Variants in TXNDC12 observed in about 807,000 individuals in gnomAD.
TXNDC12 encodes the protein thioredoxin domain containing 12.
Under a neutral mutation model 24.2 loss-of-function variants are expected in TXNDC12, and 22 were observed. That is an observed-to-expected ratio of 0.91 (90% confidence interval 0.65 to 1.30). TXNDC12 has a LOEUF of 1.30. Among genes scored for constraint, TXNDC12 ranks in the 50% most tolerant of loss-of-function variants. The pLI, the probability that TXNDC12 is intolerant of heterozygous loss-of-function variation, is 0.00. For missense variants in TXNDC12, 184 were observed against 205.8 expected, an observed-to-expected ratio of 0.89 and a Z score of 0.65; for synonymous variants, 58 against 73.4, an observed-to-expected ratio of 0.79 and a Z score of 1.07.
intron 2 of TXNDC12, among the ~76,000 whole-genome samples, chr1:52,031,710 C>T (rs927275164): frequency 6.6e-6 from 1 of 151,988 alleles, no homozygotes; most frequent in Non-Finnish European, 1.5e-5. Context: ...AGGCTGGTCT[C>T]GAACTCCTGA....
rs764404449 is a variant in TXNDC12, at chr1:52,055,128, C to T, written c.-32G>A. The T allele has an allele frequency of 5.3e-6, 8 of 1,521,406 alleles. No individual in the cohort carries two copies. Among genetic ancestry groups the T allele is most frequent in the South Asian group, 1.1e-5 (1 of 88,994 alleles). 94.2% of individuals were successfully genotyped at this position (1,521,406 alleles called of 1,614,324 possible). ...AGGTGCGCGGGGCCACGGGGCTGAG[C>T]GGACGCAGGGCCGGAGTCCCAGCAG... On this transcript the variant is annotated 5_prime_UTR_variant, in exon 1 of 7. Transcript: ENST00000371626.
chr1:52,025,210 C>A (rs1023941386), intron 4 of TXNDC12, among the ~76,000 whole-genome samples: 4 of 151,820 alleles, frequency 2.6e-5, no homozygotes, highest in Non-Finnish European at 5.9e-5. Context: ...AAAACCTACA[C>A]AATCAGTTTT....
chr1:52,048,263 G>A (rs140833394), intron 1 of TXNDC12, among the ~76,000 whole-genome samples: 7 of 152,050 alleles, frequency 4.6e-5, no homozygotes, highest in East Asian at 1.9e-4. Flanking sequence ...CTAGAAGTTC[G>A]AGGCCAGTCT....
intron 2 of TXNDC12, chr1:52,034,063 T>TAGGGA: frequency 1.5e-6 from 2 of 1,317,852 alleles, no homozygotes; most frequent in Non-Finnish European, 9.6e-7. Flanking sequence ...TAAGGGGCAT[T>TAGGGA]AAATATTGTA....
chr1:52,028,663 T>C lies in TXNDC12; in HGVS notation c.159-33A>G, dbSNP rs769408867. On this transcript the variant is annotated intron_variant, in intron 2 of 6. Coordinates refer to ENST00000371626, the MANE Select transcript of TXNDC12 (RefSeq NM_015913.4). ...GCAAAACAAAGAAATTATAATCTAG[T>C]AATTCTACTTCTTGAAATTTAATGA... 4 of 1,486,650 alleles carry C rather than the reference T, an allele frequency of 2.7e-6. No individual in the cohort carries two copies. The African/African-American group carries it at 5.5e-5, about 21-fold the overall frequency. The allele number at this position is 1,486,650 out of a possible 1,614,324, so 92.1% of individuals were successfully genotyped here. A position where few individuals can be genotyped will look rare whatever the true frequency, so the allele number is the denominator to read the frequency against.
chr1:52,042,979 C>T (rs559893250), intron 1 of TXNDC12, among the ~76,000 whole-genome samples: 6 of 152,186 alleles, frequency 3.9e-5, no homozygotes, highest in South Asian at 4.1e-4. Flanking sequence ...AGCCTGGTCT[C>T]GAACTCCTGA....
rs1286762759 is a variant in TXNDC12 at position 52,033,206 on chromosome 1, C to T, written c.159-4576G>A. On this transcript the variant is annotated intron_variant, in intron 2 of 6. Coordinates refer to ENST00000371626, the MANE Select transcript of TXNDC12 (RefSeq NM_015913.4). ...TTCTCTGAATCCGGAGTCACAAGAG[C>T]TGGAGACTCCGCAGCCCCGGATTCT... The T allele has an allele frequency of 1.9e-6, 3 of 1,614,224 alleles. No homozygotes were observed. The South Asian group carries it at 3.3e-5, about 18-fold the overall frequency.
At chr1:52,049,891 C>T (rs35437422) in intron 1 of TXNDC12, among the ~76,000 whole-genome samples, 1 of 152,168 alleles carries the variant, frequency 6.6e-6, no homozygotes, top group Admixed American at 6.5e-5. Flanking sequence ...TAATGACTAA[C>T]ACATGAAATT....
intron 1 of TXNDC12, among the ~76,000 whole-genome samples, chr1:52,050,363 C>G (rs1686178629): frequency 6.6e-6 from 1 of 152,180 alleles, no homozygotes; most frequent in Non-Finnish European, 1.5e-5. Context: ...ACCTGTATAG[C>G]CACTTAATTT....
intron 2 of TXNDC12, among the ~76,000 whole-genome samples, chr1:52,040,410 C>A (rs960697210): frequency 5.3e-5 from 8 of 152,156 alleles, no homozygotes; most frequent in East Asian, 3.9e-4. Context: ...TGGTCTCAAC[C>A]TCCTGGGCTC....
chr1:52,032,911 C>T lies in TXNDC12; in HGVS notation c.159-4281G>A, dbSNP rs752499921. The T allele has an allele frequency of 8.7e-6, 14 of 1,611,200 alleles. No individual in the cohort carries two copies. The East Asian group carries it at 2.9e-4, about 33-fold the overall frequency. ...AGCGCTCTTCTGCGCTTCCATCAAT[C>T]CGGCCAGTACTTGACTCGTGACCTG... On this transcript the variant is annotated intron_variant, in intron 2 of 6. Coordinates refer to ENST00000371626, the MANE Select transcript of TXNDC12 (RefSeq NM_015913.4).
At position 52,032,114 on chromosome 1, in the gene TXNDC12, A is replaced by G. The variant is rs1320801473; in HGVS notation, c.159-3484T>C. The G allele has an allele frequency of 5.2e-6, 5 of 954,286 alleles. No individual in the cohort carries two copies. The African/African-American group carries it at 8.8e-5, about 17-fold the overall frequency. The allele number at this position is 954,286 out of a possible 1,614,324, so 59.1% of individuals were successfully genotyped here. On this transcript the variant is annotated intron_variant, in intron 2 of 6. Coordinates refer to ENST00000371626, the MANE Select transcript of TXNDC12 (RefSeq NM_015913.4). ...GAAAGAGATTCCAGTAGACTATTTT[A>G]AAAGATTTTATTAGAGGAAATAATC...
chr1:52,055,875 A>C (rs1686334562), upstream of TXNDC12: 2 of 152,298 alleles, frequency 1.3e-5, no homozygotes, highest in East Asian at 3.9e-4. Flanking sequence ...TAAAGTGTAA[A>C]GCTTCTGGTT....
At chr1:52,055,267 G>T (rs912633064), upstream of TXNDC12, 7 of 592,750 alleles carry the variant, frequency 1.2e-5, no homozygotes, top group Admixed American at 1.2e-4. Flanking sequence ...GTGCCTCCGG[G>T]GTCCGGTTTG....
intron 1 of TXNDC12, among the ~76,000 whole-genome samples, chr1:52,047,248 G>A (rs1686113494): frequency 6.6e-6 from 1 of 152,112 alleles, no homozygotes; most frequent in Non-Finnish European, 1.5e-5. Flanking sequence ...GGTAACAACA[G>A]GAAAGGGAGC....
At chr1:52,043,038 C>T (rs1047125207) in intron 1 of TXNDC12, among the ~76,000 whole-genome samples, 4 of 152,244 alleles carry the variant, frequency 2.6e-5, no homozygotes, top group African/African-American at 9.6e-5. Context: ...GCTGGGATTA[C>T]AGGCATGAGC....
intron 1 of TXNDC12, among the ~76,000 whole-genome samples, chr1:52,053,525 G>A (rs1190523314): frequency 2.0e-5 from 3 of 151,306 alleles, no homozygotes; most frequent in African/African-American, 7.3e-5. Context: ...TTAGCCAGAC[G>A]TGGTGGCAGG....
intron 2 of TXNDC12, among the ~76,000 whole-genome samples, chr1:52,041,157 C>G (rs1035867890): frequency 6.6e-6 from 1 of 151,968 alleles, no homozygotes; most frequent in Non-Finnish European, 1.5e-5. Flanking sequence ...ACGGTGAAAC[C>G]CCGTCTCTAC....
chr1:52,034,069 T>C, intron 2 of TXNDC12: 1 of 1,310,844 alleles, frequency 7.6e-7, no homozygotes. Flanking sequence ...GCATTAAATA[T>C]TGTAAGCAAT....
Sources: allele counts gnomAD v4.1 joint callset (sites outside exome capture counted in the v4.1 genomes callset), GRCh38; gene constraint gnomAD v4.1.1; transcripts MANE v1.5; gene names NCBI Gene and HGNC (gene_info 2026-07-23, HGNC 2026-07-21).